Variants in C3orf52 observed in about 807,000 individuals in gnomAD.
The protein encoded by C3orf52 is chromosome 3 open reading frame 52.
C3orf52 carries 22 observed loss-of-function variants against 24.8 expected under a neutral mutation model. The ratio of observed to expected loss-of-function variants is 0.89; its 90% CI spans 0.63 to 1.27. The LOEUF is 1.27. Ranked by LOEUF, C3orf52 falls within the 50% of genes most tolerant of loss-of-function variation. The pLI is 0.00. For missense variants in C3orf52, 265 were observed against 260.7 expected, an observed-to-expected ratio of 1.02 and a Z score of -0.11; for synonymous variants, 93 against 100.2, an observed-to-expected ratio of 0.93 and a Z score of 0.43.
Position 112,117,202 on chromosome 3 carries a change from A to G in C3orf52, c.*556A>G, listed in dbSNP as rs2107792291. 4 of 536,514 alleles carry G rather than the reference A, an allele frequency of 7.5e-6. No individual in the cohort carries two copies. The highest frequency in any genetic ancestry group is 4.8e-4 in the Middle Eastern group (1 of 2,100). The allele number at this position is 536,514 out of a possible 1,614,324, so 33.2% of individuals were successfully genotyped here. A position where few individuals can be genotyped will look rare whatever the true frequency, so the allele number is the denominator to read the frequency against. On this transcript the variant is annotated 3_prime_UTR_variant, in exon 6 of 6. Coordinates refer to ENST00000264848, the MANE Select transcript of C3orf52 (RefSeq NM_024616.3). Reference sequence around the variant, plus strand: ...TGAAGTCATCCTCCTCCCCCCCACCATTCGATTTGATCTACCTCTAAGCCA... The same window carrying G: ...TGAAGTCATCCTCCTCCCCCCCACCGTTCGATTTGATCTACCTCTAAGCCA...
At chr3:112,095,162 A>C (rs971206615) in intron 2 of C3orf52, among the ~76,000 whole-genome samples, 5 of 152,196 alleles carry the variant, frequency 3.3e-5, no homozygotes, top group African/African-American at 1.2e-4. Flanking sequence ...GGTGTGTTGG[A>C]TGACTGTTTG....
downstream of C3orf52, among the ~76,000 whole-genome samples, chr3:112,131,279 C>T (rs550868567): frequency 2.0e-5 from 3 of 152,220 alleles, no homozygotes; most frequent in Admixed American, 6.5e-5. Context: ...TGGCAGGTCT[C>T]TTCCTCTGAG....
downstream of C3orf52, chr3:112,123,122 A>T: frequency 3.4e-6 from 1 of 297,388 alleles, no homozygotes; most frequent in Admixed American, 4.7e-5. Flanking sequence ...ACACTTTATA[A>T]GAAGATCCCA....
intron 2 of C3orf52, among the ~76,000 whole-genome samples, chr3:112,099,535 C>G (rs1185036255): frequency 6.6e-6 from 1 of 152,042 alleles, no homozygotes. Context: ...ATACCTTGAC[C>G]CTAATACATG....
intron 5 of C3orf52, among the ~76,000 whole-genome samples, chr3:112,115,994 A>G (rs1344702119): frequency 3.3e-5 from 5 of 152,128 alleles, no homozygotes; most frequent in Non-Finnish European, 5.9e-5. Flanking sequence ...CAGCATCATG[A>G]GTTATTTTGG....
intron 4 of C3orf52, chr3:112,123,873 T>C: frequency 1.6e-6 from 2 of 1,227,692 alleles, no homozygotes; most frequent in East Asian, 2.4e-5. Flanking sequence ...GTCTGTCTTC[T>C]ATGACCACCT....
chr3:112,116,960 GT>G lies in C3orf52; in HGVS notation c.*318del. On this transcript the variant is annotated 3_prime_UTR_variant, in exon 6 of 6. Coordinates refer to ENST00000264848, the MANE Select transcript of C3orf52 (RefSeq NM_024616.3). ...ATTCTGTTTGTTTTTGTTTTGTTTC[GT>G]TTTGTTTTTTGAGACAGGGTCTCGT... The G allele has an allele frequency of 6.6e-7, 1 of 1,526,180 alleles. No individual in the cohort carries two copies. The highest frequency in any genetic ancestry group is 8.8e-7 in the Non-Finnish European group (1 of 1,138,458). The allele number at this position is 1,526,180 out of a possible 1,614,324, so 94.5% of individuals were successfully genotyped here.
At chr3:112,135,977 C>T (rs1397395696), downstream of C3orf52, among the ~76,000 whole-genome samples, 12 of 152,128 alleles carry the variant, frequency 7.9e-5, no homozygotes, top group African/African-American at 1.4e-4. Flanking sequence ...CTGTAGCTTT[C>T]GTTTATCTCA....
downstream of C3orf52, among the ~76,000 whole-genome samples, chr3:112,131,377 C>T (rs548680420): frequency 8.5e-5 from 13 of 152,080 alleles, no homozygotes; most frequent in South Asian, 2.1e-4. Context: ...TGGAGAGACA[C>T]GGTTGGGGGG....
chr3:112,097,088 C>T (rs1439858458), intron 2 of C3orf52, among the ~76,000 whole-genome samples: 1 of 152,170 alleles, frequency 6.6e-6, no homozygotes, highest in Non-Finnish European at 1.5e-5. Context: ...TTCTTTCCTT[C>T]CTCATAAGGA....
downstream of C3orf52, chr3:112,133,278 G>T: frequency 1.3e-6 from 1 of 740,786 alleles, no homozygotes; most frequent in Non-Finnish European, 2.3e-6. Context: ...GCAGAGGGAA[G>T]GAAGAGGCTG....
rs553279117 is a variant in C3orf52 at position 112,116,993 on chromosome 3, G to C, written c.*347G>C. On this transcript the variant is annotated 3_prime_UTR_variant, in exon 6 of 6. Coordinates refer to ENST00000264848, the MANE Select transcript of C3orf52 (RefSeq NM_024616.3). Reference sequence around the variant, plus strand: ...TTTTGAGACAGGGTCTCGTTCTGTCGCTTAGCTGGAGTGCGGTGGCGTGAT... The same window carrying C: ...TTTTGAGACAGGGTCTCGTTCTGTCCCTTAGCTGGAGTGCGGTGGCGTGAT... The C allele has an allele frequency of 1.4e-6, 2 of 1,443,958 alleles. No individual in the cohort carries two copies. Among genetic ancestry groups the C allele is most frequent in the East Asian group, 2.5e-5 (1 of 40,264 alleles). The allele number at this position is 1,443,958 out of a possible 1,614,324, so 89.4% of individuals were successfully genotyped here.
chr3:112,106,452 C>CA (rs906883339), intron 3 of C3orf52, among the ~76,000 whole-genome samples: 2 of 152,090 alleles, frequency 1.3e-5, no homozygotes, highest in Non-Finnish European at 2.9e-5. Flanking sequence ...GATCAGCCCC[C>CA]ATCCAGCAGC....
intron 5 of C3orf52, among the ~76,000 whole-genome samples, chr3:112,114,251 T>A (rs2074113682): frequency 6.6e-6 from 1 of 152,034 alleles, no homozygotes; most frequent in African/African-American, 2.4e-5. Flanking sequence ...AAACAGTTCT[T>A]AAGAATGCCA....
intron 4 of C3orf52, among the ~76,000 whole-genome samples, chr3:112,124,229 A>T (rs1221719899): frequency 6.6e-6 from 1 of 152,204 alleles, no homozygotes; most frequent in Non-Finnish European, 1.5e-5. Context: ...AGCTTTGCAT[A>T]TTCCTTTATA....
chr3:112,102,302 C>A (rs1559972396), intron 2 of C3orf52, among the ~76,000 whole-genome samples: 1 of 152,188 alleles, frequency 6.6e-6, no homozygotes, highest in Non-Finnish European at 1.5e-5. Context: ...TGTCCTTCAT[C>A]ACTCATTGTT....
chr3:112,123,470 CTG>C, intron 4 of C3orf52: 1 of 1,613,946 alleles, frequency 6.2e-7, no homozygotes, highest in Non-Finnish European at 8.5e-7. Flanking sequence ...AATGGGAAAA[CTG>C]AGTCTCAGAA....
At chr3:112,099,238 C>T (rs958583694) in intron 2 of C3orf52, among the ~76,000 whole-genome samples, 6 of 152,158 alleles carry the variant, frequency 3.9e-5, no homozygotes. Context: ...ATTGCCCAGT[C>T]TCAGGTAGTT....
At position 112,116,861 on chromosome 3, in the gene C3orf52, G is replaced by A; in HGVS notation, c.*215G>A. 4 of 1,537,398 alleles carry A rather than the reference G, an allele frequency of 2.6e-6. No homozygotes were observed. Among genetic ancestry groups the A allele is most frequent in the Non-Finnish European group, 3.5e-6 (4 of 1,146,886 alleles). On this transcript the variant is annotated 3_prime_UTR_variant, in exon 6 of 6. Coordinates refer to ENST00000264848, the MANE Select transcript of C3orf52 (RefSeq NM_024616.3). The stretch of plus-strand genomic sequence containing the variant: ...CACTGCTTCAGCTGGGTCCAGTCTT[G>A]ACAAAGGCAGGAAGCCAGCTAGGGT...
Sources: allele counts gnomAD v4.1 joint callset (sites outside exome capture counted in the v4.1 genomes callset), GRCh38; gene constraint gnomAD v4.1.1; transcripts MANE v1.5; gene names NCBI Gene and HGNC (gene_info 2026-07-23, HGNC 2026-07-21).